QTMAN: variants seen among roughly 807,000 people sequenced by gnomAD.
QTMAN encodes queuosine-tRNA mannosyltransferase.
At chr2:144,066,723 G>A in the QTMAN span, among the ~76,000 whole-genome samples, 1 of 152,240 alleles carries the variant, frequency 6.6e-6, no homozygotes, top group African/African-American at 2.4e-5. Flanking sequence ...GGCTGAGGCA[G>A]GAGAATTGCT....
At chr2:144,149,535 A>G in the QTMAN span, among the ~76,000 whole-genome samples, 1 of 151,994 alleles carries the variant, frequency 6.6e-6, no homozygotes, top group South Asian at 2.1e-4. Flanking sequence ...TCTCTGTAAG[A>G]GAAACCTATA....
At chr2:144,248,557 C>G in the QTMAN span, among the ~76,000 whole-genome samples, 2 of 152,184 alleles carry the variant, frequency 1.3e-5, no homozygotes, top group East Asian at 3.9e-4. Flanking sequence ...ATCAGCACAG[C>G]TGCACAACCT....
the QTMAN span, chr2:143,947,163 A>G: frequency 6.6e-7 from 1 of 1,520,366 alleles, no homozygotes; most frequent in Non-Finnish European, 9.1e-7. Flanking sequence ...GAGAGAAGAG[A>G]AAGAAGTGAA....
At chr2:144,280,169 G>A in the QTMAN span, among the ~76,000 whole-genome samples, 2 of 152,112 alleles carry the variant, frequency 1.3e-5, no homozygotes, top group Non-Finnish European at 2.9e-5. Flanking sequence ...TGATGATACT[G>A]AGCTACAAAA....
the QTMAN span, chr2:143,952,933 A>G: frequency 1.3e-6 from 1 of 777,946 alleles, no homozygotes; most frequent in South Asian, 1.5e-5. Flanking sequence ...AAGTTAACTG[A>G]ATGAGCCCAG....
chr2:143,947,930 G>C, the QTMAN span, among the ~76,000 whole-genome samples: 2 of 152,056 alleles, frequency 1.3e-5, no homozygotes, highest in African/African-American at 4.8e-5. Context: ...AGGAGGGAGA[G>C]AGAGAAAGAG....
At chr2:144,022,446 T>A in the QTMAN span, among the ~76,000 whole-genome samples, 8 of 151,416 alleles carry the variant, frequency 5.3e-5, no homozygotes, top group East Asian at 1.6e-3. Context: ...CATGCCACTA[T>A]GCCCAACATC....
the QTMAN span, among the ~76,000 whole-genome samples, chr2:144,308,489 T>C: frequency 1.3e-5 from 2 of 151,440 alleles, no homozygotes; most frequent in African/African-American, 2.4e-5. Context: ...TTTAACAAAA[T>C]TTCAAGGTAA....
the QTMAN span, among the ~76,000 whole-genome samples, chr2:144,029,244 T>A: frequency 3.3e-5 from 5 of 152,212 alleles, no homozygotes; most frequent in African/African-American, 1.2e-4. Flanking sequence ...GTACACCTGC[T>A]TAGCCTAGAC....
chr2:144,038,486 T>C, the QTMAN span, among the ~76,000 whole-genome samples: 1 of 152,202 alleles, frequency 6.6e-6, no homozygotes, highest in African/African-American at 2.4e-5. Context: ...AGAACAAATG[T>C]GGTTTCCTTT....
the QTMAN span, among the ~76,000 whole-genome samples, chr2:144,202,082 G>A: frequency 6.6e-6 from 1 of 152,128 alleles, no homozygotes; most frequent in Non-Finnish European, 1.5e-5. Context: ...ACAAACACCA[G>A]GGCCTGAACA....
At chr2:144,088,108 G>C in the QTMAN span, among the ~76,000 whole-genome samples, 3 of 151,824 alleles carry the variant, frequency 2.0e-5, no homozygotes, top group Admixed American at 2.0e-4. Context: ...TAAAGTTGCA[G>C]GACACAAAAT....
the QTMAN span, among the ~76,000 whole-genome samples, chr2:144,191,361 T>C: frequency 6.6e-6 from 1 of 152,172 alleles, no homozygotes; most frequent in Non-Finnish European, 1.5e-5. Flanking sequence ...TTTTAAAAAG[T>C]ATTAAGCCAT....
the QTMAN span, among the ~76,000 whole-genome samples, chr2:144,252,810 G>A: frequency 6.6e-6 from 1 of 152,134 alleles, no homozygotes; most frequent in Non-Finnish European, 1.5e-5. Flanking sequence ...GTTTATATCA[G>A]TTTTACTCAG....
chr2:144,156,119 T>C, the QTMAN span, among the ~76,000 whole-genome samples: 4 of 152,182 alleles, frequency 2.6e-5, no homozygotes, highest in Non-Finnish European at 5.9e-5. Context: ...CTTTACTCTA[T>C]TGAGTTACTC....
the QTMAN span, chr2:144,177,265 A>C: frequency 6.0e-6 from 4 of 664,364 alleles, no homozygotes; most frequent in African/African-American, 7.3e-5. Flanking sequence ...AAAAAAAAAA[A>C]ACATTGTTTT....
chr2:144,240,233 G>C, the QTMAN span, among the ~76,000 whole-genome samples: 8 of 152,276 alleles, frequency 5.3e-5, no homozygotes, highest in African/African-American at 1.9e-4. Context: ...CAAAAGGGGT[G>C]ATAGGCAATG....
At chr2:143,951,964 T>C in the QTMAN span, 6 of 1,207,272 alleles carry the variant, frequency 5.0e-6, no homozygotes, top group South Asian at 7.6e-5. Flanking sequence ...ACCATGTAAA[T>C]CTCTTCTCAA....
At chr2:143,990,378 T>C in the QTMAN span, among the ~76,000 whole-genome samples, 1 of 152,058 alleles carries the variant, frequency 6.6e-6, no homozygotes, top group Non-Finnish European at 1.5e-5. Context: ...CAAAATGACA[T>C]GAAGAAGGTA....
Sources: gnomAD v4.1 joint callset for allele counts (sites outside exome capture counted in the v4.1 genomes callset) on GRCh38, gnomAD v4.1.1 for gene constraint, MANE v1.5 for transcripts, NCBI Gene and HGNC (gene_info 2026-07-23, HGNC 2026-07-21) for gene names.